DOCK5: variants seen among roughly 807,000 people sequenced by gnomAD.
The protein encoded by DOCK5 is dedicator of cytokinesis 5.
A neutral mutation model predicts 251.8 loss-of-function variants in DOCK5; 142 were observed. That is an observed-to-expected ratio of 0.56 (90% confidence interval 0.49 to 0.65). DOCK5 has a LOEUF of 0.65. Ranked by LOEUF, DOCK5 falls within the 30% of genes least tolerant of loss-of-function variation. The pLI, the probability that DOCK5 is intolerant of heterozygous loss-of-function variation, is 0.00. For missense variants in DOCK5, 2,111 were observed against 2,312.3 expected (o/e 0.91, Z 1.79); for synonymous variants, 842 against 835.5 (o/e 1.01, Z -0.13).
Position 25,304,243 on chromosome 8 carries a change from T to A in DOCK5, c.977-12T>A. ...CAATTAGTTTCTTTAATGAAGTTTA[T>A]CTTTTTCCTAGTGATGGATATTACT... On this transcript the variant is annotated splice_polypyrimidine_tract_variant and intron_variant, in intron 10 of 51. Transcript: ENST00000276440. The A allele has an allele frequency of 6.3e-7, 1 of 1,589,592 alleles. No individual in the cohort carries two copies. The highest frequency in any genetic ancestry group is 8.6e-7 in the Non-Finnish European group (1 of 1,169,308).
intron 16 of DOCK5, among the ~76,000 whole-genome samples, chr8:25,321,907 A>G (rs1445304885): frequency 1.3e-5 from 2 of 152,182 alleles, no homozygotes; most frequent in Non-Finnish European, 2.9e-5. Context: ...GCGTGTTGCC[A>G]TGTTGCAGTA....
intron 4 of DOCK5, among the ~76,000 whole-genome samples, chr8:25,276,232 C>T (rs1804040967): frequency 6.6e-6 from 1 of 152,162 alleles, no homozygotes; most frequent in Non-Finnish European, 1.5e-5. Flanking sequence ...CTGGGTTTTT[C>T]ACAGCATATT....
At chr8:25,205,994 G>A (rs988649357) in intron 1 of DOCK5, among the ~76,000 whole-genome samples, 1 of 152,140 alleles carries the variant, frequency 6.6e-6, no homozygotes, top group African/African-American at 2.4e-5. Flanking sequence ...GGAAAGGAAG[G>A]CTGAACATGA....
rs190842787 is a variant in DOCK5, at chr8:25,415,038, G to T, written c.*3740G>T. 6.6e-6 allele frequency: 1 copy of T among 151,398 alleles called. No homozygotes were observed. Among genetic ancestry groups the T allele is most frequent in the African/African-American group, 2.4e-5 (1 of 41,258 alleles). The allele number at this position is 151,398 out of a possible 1,614,324, so 9.4% of individuals were successfully genotyped here. A position where few individuals can be genotyped will look rare whatever the true frequency, so the allele number is the denominator to read the frequency against. ...AAGGAAACTAGTTTTCTGTACAAAG[G>T]CTTTGAGGTCCATGGACTATACTTG... On this transcript the variant is annotated 3_prime_UTR_variant, in exon 52 of 52. Coordinates refer to ENST00000276440, the MANE Select transcript of DOCK5 (RefSeq NM_024940.8).
chr8:25,353,587 A>G (rs1157531205), intron 27 of DOCK5, among the ~76,000 whole-genome samples: 3 of 152,084 alleles, frequency 2.0e-5, no homozygotes, highest in Non-Finnish European at 4.4e-5. Flanking sequence ...TTTTACCAAC[A>G]GAAAGAGGGA....
chr8:25,401,326 T>C (rs1174066646), intron 47 of DOCK5, among the ~76,000 whole-genome samples: 2 of 152,148 alleles, frequency 1.3e-5, no homozygotes, highest in Non-Finnish European at 2.9e-5. Flanking sequence ...ATCATAACCC[T>C]GGAGTTTATG....
At chr8:25,319,923 C>A (rs1805378678) in intron 15 of DOCK5, among the ~76,000 whole-genome samples, 3 of 152,156 alleles carry the variant, frequency 2.0e-5, no homozygotes, top group Non-Finnish European at 4.4e-5. Context: ...AATAGACTGC[C>A]AAGATGGTAC....
At chr8:25,319,394 T>C (rs1805359480) in intron 14 of DOCK5, among the ~76,000 whole-genome samples, 184 bp from the exon 15 acceptor site, 1 of 152,130 alleles carries the variant, frequency 6.6e-6, no homozygotes, top group Non-Finnish European at 1.5e-5. Context: ...TATAGACCCT[T>C]GAATAAAGTG....
chr8:25,224,002 T>C (rs187672527), intron 1 of DOCK5, among the ~76,000 whole-genome samples: 44 of 152,380 alleles, frequency 2.9e-4, no homozygotes, highest in African/African-American at 1.0e-3. Flanking sequence ...AGAACAAGGC[T>C]AAATTGCACT....
intron 47 of DOCK5, 118 bp from the exon 48 acceptor site, chr8:25,403,440 C>G: frequency 9.5e-7 from 1 of 1,058,066 alleles, no homozygotes; most frequent in South Asian, 1.6e-5. Context: ...AATGGGGTGC[C>G]AGCCACATAA....
intron 37 of DOCK5, chr8:25,376,103 GAAAA>G (rs59845416): frequency 9.8e-5 from 91 of 930,826 alleles, no homozygotes; most frequent in Non-Finnish European, 1.1e-4. Context: ...TGTCTCAAAA[GAAAA>G]AAAAAAAAAA....
Position 25,395,630 on chromosome 8 carries a change from G to C in DOCK5, c.4615G>C (p.Asp1539His). 6.2e-7 allele frequency: 1 copy of C among 1,613,520 alleles called. No individual in the cohort carries two copies. The highest frequency in any genetic ancestry group is 1.7e-5 in the Admixed American group (1 of 59,968). ...ISNCVQQHAW[D>H]RSLSVHPLSM... ...CAACTGTGTTCAGCAGCATGCCTGG[G>C]ACCGGTCCCTCTCTGTGCACCCTCT... Residue 1539 changes from aspartate (D) to histidine (H), a missense_variant, in exon 45 of 52, where the codon GAC becomes CAC. Around this residue, in one of 3 missense-constraint regions of DOCK5, gnomAD observed 1,717 missense variants for 1,892.4 expected, o/e 0.91. Coordinates refer to ENST00000276440, the MANE Select transcript of DOCK5 (RefSeq NM_024940.8).
At chr8:25,347,163 C>G (rs186219619) in intron 26 of DOCK5, among the ~76,000 whole-genome samples, 1 of 152,178 alleles carries the variant, frequency 6.6e-6, no homozygotes, top group South Asian at 2.1e-4. Flanking sequence ...CGTTAGTTCA[C>G]TTGTCAGGGT....
intron 48 of DOCK5, among the ~76,000 whole-genome samples, chr8:25,405,023 T>C (rs915380193): frequency 2.6e-5 from 4 of 152,228 alleles, no homozygotes; most frequent in Non-Finnish European, 5.9e-5. Context: ...TGTAGTTTTA[T>C]TTTCTGTGAC....
intron 21 of DOCK5, among the ~76,000 whole-genome samples, chr8:25,334,845 A>G (rs970736617): frequency 3.3e-5 from 5 of 152,228 alleles, no homozygotes; most frequent in Non-Finnish European, 5.9e-5. Context: ...CAAGTTTGAT[A>G]GAAGAAAAGG....
chr8:25,208,473 CCA>C (rs1189059427), intron 1 of DOCK5, among the ~76,000 whole-genome samples: 1 of 152,158 alleles, frequency 6.6e-6, no homozygotes, highest in African/African-American at 2.4e-5. Context: ...CACAGCTGCC[CCA>C]GTCTTCAGCA....
intron 28 of DOCK5, among the ~76,000 whole-genome samples, chr8:25,359,424 TC>T (rs1167320889): frequency 2.0e-5 from 3 of 152,170 alleles, no homozygotes; most frequent in African/African-American, 7.2e-5. Context: ...GTGCAAAGTC[TC>T]CTAAGACGTG....
At chr8:25,243,173 A>T (rs1323242652) in intron 1 of DOCK5, among the ~76,000 whole-genome samples, 1 of 152,120 alleles carries the variant, frequency 6.6e-6, no homozygotes, top group African/African-American at 2.4e-5. Flanking sequence ...CTCTATCACT[A>T]GTCTCTAACA....
intron 1 of DOCK5, among the ~76,000 whole-genome samples, chr8:25,220,050 A>G (rs1802342940): frequency 6.6e-6 from 1 of 151,502 alleles, no homozygotes; most frequent in Non-Finnish European, 1.5e-5. Flanking sequence ...TTTCACAGAC[A>G]TGATATTTCA....
Sources: gnomAD v4.1 joint callset for allele counts (sites outside exome capture counted in the v4.1 genomes callset) on GRCh38, gnomAD v4.1.1 for gene constraint, gnomAD v4.1.1 regional missense constraint, MANE v1.5 for transcripts, NCBI Gene and HGNC (gene_info 2026-07-23, HGNC 2026-07-21) for gene names.